The following MLIP variants were observed in gnomAD, a reference collection of about 807,000 sequenced individuals.
The protein encoded by MLIP is muscular LMNA-interacting protein.
MLIP carries 79 observed loss-of-function variants against 84.8 expected under a neutral mutation model. The observed-to-expected ratio is 0.93, with a 90% CI of 0.78 to 1.12. MLIP has a LOEUF of 1.12. Among genes scored for constraint, MLIP ranks in the 50% most tolerant of loss-of-function variants. MLIP has a pLI of 0.00. For synonymous variants in MLIP, 504 were observed against 463.0 expected, an observed-to-expected ratio of 1.09 and a Z score of -1.14; for missense variants, 1,257 against 1,160.6, an observed-to-expected ratio of 1.08 and a Z score of -1.21.
At chr6:54,259,421 A>G (rs1455770319) in intron 13 of MLIP, among the ~76,000 whole-genome samples, 1 of 151,940 alleles carries the variant, frequency 6.6e-6, no homozygotes, top group Admixed American at 6.6e-5. Flanking sequence ...TCTACACAAT[A>G]AGAGTGTTCC....
intron 13 of MLIP, chr6:54,261,821 T>G (rs1783412958): frequency 1.3e-6 from 1 of 767,254 alleles, no homozygotes; most frequent in South Asian, 5.9e-5. Flanking sequence ...CTCTATTCTT[T>G]TCAGGCAATT....
At chr6:54,149,017 T>G (rs1443487776) in intron 4 of MLIP, 39 bp from the exon 5 acceptor site, 1 of 1,553,184 alleles carries the variant, frequency 6.4e-7, no homozygotes, top group Non-Finnish European at 8.9e-7. Flanking sequence ...TTCTTTCCCA[T>G]TTTCATCTCT....
intron 1 of MLIP, among the ~76,000 whole-genome samples, chr6:54,080,192 C>T (rs942447101): frequency 2.0e-5 from 3 of 152,174 alleles, no homozygotes; most frequent in Admixed American, 2.0e-4. Flanking sequence ...GTCGCCTTTG[C>T]TTCCCTTACC....
At chr6:54,239,852 C>T (rs1781617341) in intron 12 of MLIP, among the ~76,000 whole-genome samples, 1 of 151,826 alleles carries the variant, frequency 6.6e-6, no homozygotes, top group Non-Finnish European at 1.5e-5. Flanking sequence ...TTTATGTCTA[C>T]CACTATAATA....
intron 13 of MLIP, among the ~76,000 whole-genome samples, chr6:54,262,792 A>T (rs1382812053): frequency 1.3e-5 from 2 of 152,076 alleles, no homozygotes; most frequent in Non-Finnish European, 2.9e-5. Context: ...ATGCTTTAAG[A>T]AAAAGAAGGA....
intron 4 of MLIP, among the ~76,000 whole-genome samples, chr6:54,145,196 T>C (rs1186387306): frequency 6.6e-6 from 1 of 152,228 alleles, no homozygotes; most frequent in Non-Finnish European, 1.5e-5. Flanking sequence ...ACTCTAACCC[T>C]GTAATTCCAC....
rs1297780651 is a variant in MLIP at position 54,137,814 on chromosome 6, A to C, written c.1745A>C (p.Tyr582Ser). ...GAAAACCCCAGAAACATTCACACGTACCCTTCTACATTAGCCTCCTCTGCA... is the reference window on the plus strand; with the variant it reads ...GAAAACCCCAGAAACATTCACACGTCCCCTTCTACATTAGCCTCCTCTGCA... ...GPENPRNIHT[Y>S]PSTLASSALS... Residue 582 changes from tyrosine (Y) to serine (S), a missense_variant, in exon 4 of 14, where the codon TAC becomes TCC. Physicochemically the swap from Tyr to Ser is moderately radical, Grantham distance 144 (BLOSUM62 -2). Transcript: ENST00000502396. The C allele has an allele frequency of 1.3e-6, 2 of 1,535,840 alleles. No homozygotes were observed. Among genetic ancestry groups the C allele is most frequent in the African/African-American group, 2.7e-5 (2 of 72,974 alleles).
intron 1 of MLIP, among the ~76,000 whole-genome samples, chr6:54,050,294 G>C (rs879662795): frequency 6.6e-6 from 1 of 152,016 alleles, no homozygotes; most frequent in Non-Finnish European, 1.5e-5. Flanking sequence ...AACACATATA[G>C]TATTTTTTAC....
At chr6:54,215,818 A>C (rs1193124502) in intron 11 of MLIP, 1 of 152,370 alleles carries the variant, frequency 6.6e-6, no homozygotes, top group East Asian at 1.9e-4. Flanking sequence ...ACAACAAAAC[A>C]TCCATTTCAA....
chr6:54,021,957 A>G (rs868352792), intron 1 of MLIP, among the ~76,000 whole-genome samples: 6 of 152,262 alleles, frequency 3.9e-5, no homozygotes, highest in Admixed American at 6.5e-5. Context: ...TGATTCTGCT[A>G]GATGACAATA....
chr6:54,027,696 T>G (rs1186607265), intron 1 of MLIP, among the ~76,000 whole-genome samples: 1 of 152,194 alleles, frequency 6.6e-6, no homozygotes, highest in Non-Finnish European at 1.5e-5. Flanking sequence ...AGCTGAGAGT[T>G]GAAAAGTGAA....
intron 1 of MLIP, among the ~76,000 whole-genome samples, chr6:54,033,082 G>C (rs887155442): frequency 5.9e-5 from 9 of 152,026 alleles, no homozygotes; most frequent in African/African-American, 1.9e-4. Flanking sequence ...CATCAGAATT[G>C]AAAACCAAAT....
Position 54,137,608 on chromosome 6 carries a change from G to A in MLIP, c.1539G>A (p.Gln513=). 6.5e-7 allele frequency: 1 copy of A among 1,536,046 alleles called. No homozygotes were observed. Among genetic ancestry groups the A allele is most frequent in the Admixed American group, 2.0e-5 (1 of 50,992 alleles). ...CGCCCTCCCTCTCTCCTACAAAACAGGCTAGTAGCAGCCTTGCTTCCATGA... is the reference window on the plus strand; with the variant it reads ...CGCCCTCCCTCTCTCCTACAAAACAAGCTAGTAGCAGCCTTGCTTCCATGA... The part of the protein sequence containing the change: ...SQAPSLSPTK[Q]ASSSLASMNV... Residue 513 remains glutamine (Q), a synonymous_variant, in exon 4 of 14, where the codon CAG becomes CAA. Coordinates refer to ENST00000502396, the MANE Select transcript of MLIP (RefSeq NM_001281747.2).
intron 12 of MLIP, among the ~76,000 whole-genome samples, chr6:54,248,438 C>A (rs992915483): frequency 1.3e-5 from 2 of 152,086 alleles, no homozygotes; most frequent in Non-Finnish European, 2.9e-5. Context: ...TTCATTATAA[C>A]CTGGGAGCTG....
chr6:54,076,563 T>C (rs1405726135), intron 1 of MLIP, among the ~76,000 whole-genome samples: 1 of 152,200 alleles, frequency 6.6e-6, no homozygotes, highest in African/African-American at 2.4e-5. Flanking sequence ...TCTCATATTT[T>C]CTAAAATGAG....
chr6:54,030,341 C>T (rs1055361699), intron 1 of MLIP, among the ~76,000 whole-genome samples: 3 of 151,912 alleles, frequency 2.0e-5, no homozygotes, highest in Non-Finnish European at 4.4e-5. Flanking sequence ...TTGTGAGGTA[C>T]AAATAATTAG....
At chr6:54,251,599 ATATAT>A (rs1465820380) in intron 12 of MLIP, among the ~76,000 whole-genome samples, 1 of 97,202 alleles carries the variant, frequency 1.0e-5, no homozygotes, top group South Asian at 3.1e-4. Context: ...ATACAAATAT[ATATAT>A]TATAACATAT....
At chr6:54,132,925 C>T (rs1771506545) in intron 3 of MLIP, among the ~76,000 whole-genome samples, 2 of 152,066 alleles carry the variant, frequency 1.3e-5, no homozygotes, top group Admixed American at 1.3e-4. Flanking sequence ...TTTCTTATAG[C>T]AACTTTTGGT....
chr6:54,104,403 C>A (rs1038802116), intron 1 of MLIP, among the ~76,000 whole-genome samples: 1 of 152,132 alleles, frequency 6.6e-6, no homozygotes, highest in South Asian at 2.1e-4. Flanking sequence ...AATCTCTGAA[C>A]ATGTTTTATT....
Sources: gnomAD v4.1 joint callset for allele counts (sites outside exome capture counted in the v4.1 genomes callset) on GRCh38, gnomAD v4.1.1 for gene constraint, MANE v1.5 for transcripts, NCBI Gene and HGNC (gene_info 2026-07-23, HGNC 2026-07-21) for gene names.